KLK13: variants seen among roughly 807,000 people sequenced by gnomAD.
KLK13 encodes the protein kallikrein related peptidase 13, also known as kallikrein-13.
KLK13 carries 19 observed loss-of-function variants against 22.4 expected under a neutral mutation model. The observed-to-expected ratio is 0.85, with a 90% CI of 0.59 to 1.24. The LOEUF (loss-of-function observed/expected upper bound fraction) is 1.24, where lower values mean the gene tolerates loss of function less well. Among genes scored for constraint, KLK13 ranks in the 50% most tolerant of loss-of-function variants. The probability of loss-of-function intolerance (pLI) is 0.00; values close to 1 mark genes in which losing one functional copy is unlikely to be tolerated. For missense variants in KLK13, 311 were observed against 347.9 expected, an observed-to-expected ratio of 0.89 and a Z score of 0.84; for synonymous variants, 156 against 141.8, an observed-to-expected ratio of 1.10 and a Z score of -0.71.
Position 51,059,375 on chromosome 19 carries a change from A to C in KLK13, c.508+450T>G, listed in dbSNP as rs2091704290. Among the ~76,000 whole-genome samples the C allele has an allele frequency of 1.4e-5, 2 of 146,934 alleles. 1 individual carries two copies. Among genetic ancestry groups the C allele is most frequent in the South Asian group, 4.2e-4 (2 of 4,778 alleles). On this transcript the variant is annotated intron_variant, in intron 3 of 4. Coordinates refer to ENST00000595793, the MANE Select transcript of KLK13 (RefSeq NM_015596.3). The stretch of plus-strand genomic sequence containing the variant: ...ATAAATGATAAAATTCATTTACAGT[A>C]TATAAATATATAAATGTATACATTT...
At chr19:51,065,213 A>G, upstream of KLK13, 1 of 553,050 alleles carries the variant, frequency 1.8e-6, no homozygotes, top group South Asian at 2.7e-5. Context: ...GACAGCCCTG[A>G]CCCTGGAATC....
At chr19:51,056,823 T>C (rs1453519943) in intron 4 of KLK13, 48 bp from the exon 5 acceptor site, 1 of 1,470,982 alleles carries the variant, frequency 6.8e-7, no homozygotes, top group East Asian at 2.3e-5. Context: ...TTGCTGGGGC[T>C]AAACAAGGCA....
chr19:51,063,462 C>T, intron 1 of KLK13: 1 of 345,782 alleles, frequency 2.9e-6, no homozygotes, highest in South Asian at 2.2e-5. Context: ...AGGATATGGA[C>T]AGGGAAAACA....
chr19:51,056,911 A>G, intron 4 of KLK13, 136 bp from the exon 5 acceptor site: 1 of 641,830 alleles, frequency 1.6e-6, no homozygotes, highest in Admixed American at 2.9e-5. Flanking sequence ...AGGCAGAGTC[A>G]GACACACACA....
intron 1 of KLK13, among the ~76,000 whole-genome samples, chr19:51,063,264 C>G (rs550338243): frequency 1.3e-5 from 2 of 152,264 alleles, no homozygotes; most frequent in East Asian, 3.9e-4. Context: ...ATATTATTTT[C>G]TTTTCATTGT....
intron 4 of KLK13, 119 bp from the exon 5 acceptor site, chr19:51,056,894 C>T (rs973878208): frequency 5.6e-6 from 4 of 712,678 alleles, no homozygotes; most frequent in Non-Finnish European, 7.0e-6. Flanking sequence ...GAGAAGGAGA[C>T]TCAGAGAGGC....
chr19:51,062,285 G>A (rs1183227013), intron 1 of KLK13, among the ~76,000 whole-genome samples: 1 of 152,146 alleles, frequency 6.6e-6, no homozygotes, highest in East Asian at 1.9e-4. Flanking sequence ...TGAGAGGTCA[G>A]CTCAAATGTC....
intron 1 of KLK13, among the ~76,000 whole-genome samples, chr19:51,060,852 A>G (rs910785754): frequency 6.6e-6 from 1 of 152,186 alleles, no homozygotes; most frequent in African/African-American, 2.4e-5. Context: ...GGGGGTTAAC[A>G]GAAGAGTTCA....
Position 51,060,633 on chromosome 19 carries a change from G to A in KLK13, c.53-14C>T. The A allele has an allele frequency of 1.3e-6, 2 of 1,565,182 alleles. No individual in the cohort carries two copies. The highest frequency in any genetic ancestry group is 1.7e-6 in the Non-Finnish European group (2 of 1,147,310). ...CCTGGGAGACACCTGGTAAAGAAGA[G>A]AGATTGTTAGAAAACTGGGATCCAG... On this transcript the variant is annotated splice_polypyrimidine_tract_variant and intron_variant, in intron 1 of 4. Transcript: ENST00000595793.
chr19:51,065,362 G>T (rs1398204336), upstream of KLK13, among the ~76,000 whole-genome samples: 1 of 152,048 alleles, frequency 6.6e-6, no homozygotes, highest in Non-Finnish European at 1.5e-5. Flanking sequence ...TGGCGAGCTG[G>T]GTGGTCGGTG....
chr19:51,057,770 C>G (rs1397699888), intron 4 of KLK13, among the ~76,000 whole-genome samples: 1 of 152,120 alleles, frequency 6.6e-6, no homozygotes, highest in Non-Finnish European at 1.5e-5. Context: ...AACTACTGTA[C>G]TTGGCCATTT....
intron 1 of KLK13, 67 bp downstream of exon 1, chr19:51,064,949 C>G (rs2091767863): frequency 7.1e-7 from 1 of 1,412,240 alleles, no homozygotes; most frequent in Non-Finnish European, 9.6e-7. Flanking sequence ...CCCCCTCCCC[C>G]TCCGGCCTGA....
In KLK13 at chr19:51,058,684, A is replaced by C; in HGVS notation, c.509-10T>G. On this transcript the variant is annotated splice_polypyrimidine_tract_variant and intron_variant, in intron 3 of 4. Coordinates refer to ENST00000595793, the MANE Select transcript of KLK13 (RefSeq NM_015596.3). Reference sequence around the variant, plus strand: ...GTTTTGGGGTAATTCACTGGGGAGAAGAAAGAGAAGGTCTAAGGTATCCGA... The same window carrying C: ...GTTTTGGGGTAATTCACTGGGGAGACGAAAGAGAAGGTCTAAGGTATCCGA... The C allele has an allele frequency of 1.9e-6, 3 of 1,614,112 alleles. No homozygotes were observed. The highest frequency in any genetic ancestry group is 2.5e-6 in the Non-Finnish European group (3 of 1,179,982).
chr19:51,063,036 T>G (rs747639938), intron 1 of KLK13, among the ~76,000 whole-genome samples: 169 of 152,184 alleles, frequency 1.1e-3, no homozygotes, highest in Non-Finnish European at 2.0e-3. Context: ...CAGTTCTCTT[T>G]TAAACCTGAT....
At chr19:51,064,786 T>TG in intron 1 of KLK13, 2 of 622,204 alleles carry the variant, frequency 3.2e-6, no homozygotes, top group Non-Finnish European at 2.9e-6. Context: ...GAGGGGCTGC[T>TG]GCGAGGGTAT....
At chr19:51,060,278 T>C (rs1450422632) in intron 2 of KLK13, among the ~76,000 whole-genome samples, 155 bp downstream of exon 2, 1 of 151,698 alleles carries the variant, frequency 6.6e-6, no homozygotes, top group Non-Finnish European at 1.5e-5. Flanking sequence ...TCTATTCCCA[T>C]ACCCAATCCC....
Position 51,056,591 on chromosome 19 carries a change from T to C in KLK13, c.830A>G (p.Gln277Arg). ...TQQQKWLKGPQ is the reference protein window; with the variant it reads ...TQQQKWLKGPR ...AGCCGGTACATTTCTCAACTTTTAT[T>C]GTGGGCCCTTCAACCATTTTTGCTG... The change falls in exon 5 of 5, where the codon CAA (glutamine) becomes CGA (arginine). Residue 277 changes from glutamine (Q) to arginine (R), a missense_variant. Gln to Arg is a conservative substitution (Grantham distance 43). Coordinates refer to ENST00000595793, the MANE Select transcript of KLK13 (RefSeq NM_015596.3). 2 of 1,614,166 alleles carry C rather than the reference T, an allele frequency of 1.2e-6. No individual in the cohort carries two copies. The highest frequency in any genetic ancestry group is 1.7e-6 in the Non-Finnish European group (2 of 1,179,996).
chr19:51,060,804 G>T (rs192428151), intron 1 of KLK13, among the ~76,000 whole-genome samples, 185 bp from the exon 2 acceptor site: 1 of 152,126 alleles, frequency 6.6e-6, no homozygotes, highest in Non-Finnish European at 1.5e-5. Context: ...GGGCAAAGGG[G>T]TGACATTATT....
intron 4 of KLK13, among the ~76,000 whole-genome samples, chr19:51,058,111 G>A (rs1402573364): frequency 1.3e-5 from 2 of 152,180 alleles, no homozygotes; most frequent in African/African-American, 4.8e-5. Flanking sequence ...AACCGAGAAT[G>A]AAGCCAAAAC....
Sources: gnomAD v4.1 joint callset for allele counts (sites outside exome capture counted in the v4.1 genomes callset) on GRCh38, gnomAD v4.1.1 for gene constraint, MANE v1.5 for transcripts, NCBI Gene and HGNC (gene_info 2026-07-23, HGNC 2026-07-21) for gene names.